The following PCDH11Y variants were observed in gnomAD, a reference collection of about 807,000 sequenced individuals.
PCDH11Y encodes protocadherin 11 Y-linked.
For synonymous variants in PCDH11Y, 9 were observed against 83.6 expected, an observed-to-expected ratio of 0.11 and a Z score of 4.87; for missense variants, 12 against 224.8, an observed-to-expected ratio of 0.05 and a Z score of 6.05.
chrY:5,484,953 A>T, intron 2 of PCDH11Y, among the ~76,000 whole-genome samples: 1 of 33,563 alleles, frequency 3.0e-5, no homozygotes, highest in Non-Finnish European at 7.4e-5. Context: ...GCCTTCCAGT[A>T]CAAAAAGGAT....
chrY:5,087,478 T>C (rs2052732800), intron 1 of PCDH11Y, among the ~76,000 whole-genome samples: 1 of 32,052 alleles, frequency 3.1e-5, no homozygotes, highest in Non-Finnish European at 7.6e-5. Flanking sequence ...CTCATGACTC[T>C]ATCCAGTGCC....
intron 2 of PCDH11Y, among the ~76,000 whole-genome samples, chrY:5,488,772 C>T: frequency 3.0e-5 from 1 of 33,077 alleles, no homozygotes. Flanking sequence ...TTAAATAAAC[C>T]ATTGAATGCA....
chrY:5,615,796 A>C, intron 4 of PCDH11Y, among the ~76,000 whole-genome samples: 1 of 33,470 alleles, frequency 3.0e-5, no homozygotes, highest in African/African-American at 1.2e-4. Context: ...ATATGCCCAC[A>C]CAGAAAGCAT....
intron 4 of PCDH11Y, among the ~76,000 whole-genome samples, chrY:5,711,805 C>T (rs2053586851): frequency 3.0e-5 from 1 of 32,986 alleles, no homozygotes; most frequent in African/African-American, 1.2e-4. Flanking sequence ...ACAACAACAA[C>T]GAAAGATTCA....
chrY:5,352,198 T>C, intron 2 of PCDH11Y, among the ~76,000 whole-genome samples: 1 of 27,353 alleles, frequency 3.7e-5, no homozygotes, highest in African/African-American at 1.5e-4. Flanking sequence ...CTCAGCTCAC[T>C]GTAACCTCTG....
chrY:5,449,723 T>A, intron 2 of PCDH11Y, among the ~76,000 whole-genome samples: 1 of 33,541 alleles, frequency 3.0e-5, no homozygotes. Flanking sequence ...TCTGCAAGTA[T>A]CAGATCAATA....
intron 2 of PCDH11Y, among the ~76,000 whole-genome samples, chrY:5,339,327 CATTT>C (rs762729992): frequency 3.7e-4 from 11 of 29,707 alleles, no homozygotes; most frequent in East Asian, 8.5e-4. Flanking sequence ...CTGTCCTTTC[CATTT>C]ATTTATTTAT....
chrY:5,135,454 G>T, intron 2 of PCDH11Y, among the ~76,000 whole-genome samples: 2 of 33,452 alleles, frequency 6.0e-5, no homozygotes, highest in Non-Finnish European at 1.5e-4. Context: ...CTGCATGAAT[G>T]AGAGACTGGC....
At chrY:5,190,286 C>G in intron 2 of PCDH11Y, among the ~76,000 whole-genome samples, 1 of 33,497 alleles carries the variant, frequency 3.0e-5, no homozygotes, top group East Asian at 7.9e-4. Flanking sequence ...AACCTGATTT[C>G]TTTGTCCCAG....
intron 2 of PCDH11Y, among the ~76,000 whole-genome samples, chrY:5,475,331 A>ATAG (rs2053317671): frequency 3.0e-5 from 1 of 33,010 alleles, no homozygotes; most frequent in East Asian, 7.9e-4. Flanking sequence ...TAATGTTAAA[A>ATAG]TAGTTTCCTT....
At chrY:5,340,241 A>G in intron 2 of PCDH11Y, among the ~76,000 whole-genome samples, 1 of 32,762 alleles carries the variant, frequency 3.1e-5, no homozygotes, top group African/African-American at 1.2e-4. Context: ...TTGATGTTCC[A>G]GGACAGGGAG....
At chrY:5,380,956 C>T in intron 2 of PCDH11Y, among the ~76,000 whole-genome samples, 1 of 31,942 alleles carries the variant, frequency 3.1e-5, no homozygotes, top group Non-Finnish European at 7.6e-5. Context: ...CAAGTCTCAA[C>T]AAAGCAGCCA....
At chrY:5,213,947 G>A (rs2052942555) in intron 2 of PCDH11Y, among the ~76,000 whole-genome samples, 2 of 32,046 alleles carry the variant, frequency 6.2e-5, no homozygotes, top group Non-Finnish European at 1.5e-4. Flanking sequence ...GTGAAACCCC[G>A]CCTCTGACAA....
At chrY:5,667,161 G>A (rs1218434702) in intron 4 of PCDH11Y, among the ~76,000 whole-genome samples, 119 of 27,361 alleles carry the variant, frequency 4.3e-3, no homozygotes, top group Admixed American at 0.018. Flanking sequence ...TGTCATTTTG[G>A]CAATACAGAA....
At chrY:5,216,874 T>A in intron 2 of PCDH11Y, among the ~76,000 whole-genome samples, 12 of 32,154 alleles carry the variant, frequency 3.7e-4, no homozygotes, top group Admixed American at 3.0e-4. Context: ...ACTACTGTAG[T>A]CGCTTCAGTC....
intron 2 of PCDH11Y, among the ~76,000 whole-genome samples, chrY:5,449,305 T>C (rs2124682534): frequency 6.0e-5 from 2 of 33,275 alleles, no homozygotes; most frequent in African/African-American, 2.4e-4. Context: ...TTTCCCAACA[T>C]TGGATGCATG....
At chrY:5,305,552 A>G in intron 2 of PCDH11Y, among the ~76,000 whole-genome samples, 1 of 32,908 alleles carries the variant, frequency 3.0e-5, no homozygotes, top group Non-Finnish European at 7.5e-5. Flanking sequence ...CATCTTTCAC[A>G]TGGAAATTTC....
chrY:5,124,214 CAATAAAAAACA>C (rs2052822393), intron 2 of PCDH11Y, among the ~76,000 whole-genome samples: 1 of 33,162 alleles, frequency 3.0e-5, no homozygotes, highest in Admixed American at 2.8e-4. Context: ...TTTGTGGAGG[CAATAAAAAACA>C]AATGAAAGAA....
intron 2 of PCDH11Y, among the ~76,000 whole-genome samples, chrY:5,220,059 A>G: frequency 3.1e-5 from 1 of 32,730 alleles, no homozygotes; most frequent in African/African-American, 1.2e-4. Context: ...TTAACTGTCT[A>G]TGTGTGGGTT....
Sources: allele counts gnomAD v4.1 joint callset (sites outside exome capture counted in the v4.1 genomes callset), GRCh38; gene constraint gnomAD v4.1.1; transcripts MANE v1.5; gene names NCBI Gene and HGNC (gene_info 2026-07-23, HGNC 2026-07-21).